The following EYS variants were observed in gnomAD, a reference collection of about 807,000 sequenced individuals.
EYS encodes the protein protein eyes shut homolog.
EYS carries 250 observed loss-of-function variants against 282.1 expected under a neutral mutation model. The ratio of observed to expected loss-of-function variants is 0.89; its 90% confidence interval spans 0.80 to 0.98. The LOEUF is 0.98. Ranked by LOEUF, EYS falls within the 50% of genes least tolerant of loss-of-function variation. The probability of loss-of-function intolerance (pLI) is 0.00; values close to 1 mark genes in which losing one functional copy is unlikely to be tolerated. For synonymous variants in EYS, 1,355 were observed against 1,282.9 expected (o/e 1.06, Z -1.20); for missense variants, 4,016 against 3,709.0 (o/e 1.08, Z -2.15).
intron 33 of EYS, among the ~76,000 whole-genome samples, chr6:64,041,344 A>G (rs556279240): frequency 2.2e-4 from 33 of 152,324 alleles, no homozygotes; most frequent in African/African-American, 7.7e-4. Flanking sequence ...GAATCATGGT[A>G]CATACAAATT....
At chr6:64,423,845 C>T (rs1318498808) in intron 28 of EYS, among the ~76,000 whole-genome samples, 4 of 152,104 alleles carry the variant, frequency 2.6e-5, no homozygotes, top group Admixed American at 2.6e-4. Context: ...CCAATGAGAT[C>T]ACCAATGGCA....
At chr6:65,078,619 T>C (rs1224228898) in intron 12 of EYS, among the ~76,000 whole-genome samples, 4 of 152,048 alleles carry the variant, frequency 2.6e-5, no homozygotes, top group Non-Finnish European at 5.9e-5. Flanking sequence ...TTGGCTACAA[T>C]AATGCATGCA....
chr6:64,152,543 T>G (rs1774778805), intron 31 of EYS, among the ~76,000 whole-genome samples: 1 of 152,172 alleles, frequency 6.6e-6, no homozygotes, highest in African/African-American at 2.4e-5. Flanking sequence ...GGCTTCACAG[T>G]CAATTACAAG....
intron 35 of EYS, among the ~76,000 whole-genome samples, chr6:63,899,371 G>T (rs1348417558): frequency 6.6e-6 from 1 of 152,040 alleles, no homozygotes; most frequent in African/African-American, 2.4e-5. Context: ...GGCAGGCAGG[G>T]CACCAAATGT....
intron 30 of EYS, among the ~76,000 whole-genome samples, chr6:64,261,064 C>T (rs961568551): frequency 1.3e-5 from 2 of 151,806 alleles, no homozygotes; most frequent in Non-Finnish European, 2.9e-5. Context: ...TTTTAAAATA[C>T]ACAATAAATT....
At chr6:65,606,884 AT>A (rs5876976) in intron 2 of EYS, among the ~76,000 whole-genome samples, 96,286 of 149,778 alleles carry the variant, frequency 0.64, 33,201 homozygotes, top group African/African-American at 0.91. Flanking sequence ...CTTCCAAAGT[AT>A]TTTTTTTTTG....
chr6:65,132,036 A>T (rs919260595), intron 12 of EYS, among the ~76,000 whole-genome samples: 1 of 152,036 alleles, frequency 6.6e-6, no homozygotes, highest in African/African-American at 2.4e-5. Context: ...TGATTCCCTG[A>T]ACAGACCAAT....
At chr6:65,620,779 C>T (rs1766447791) in intron 2 of EYS, among the ~76,000 whole-genome samples, 1 of 151,912 alleles carries the variant, frequency 6.6e-6, no homozygotes, top group Non-Finnish European at 1.5e-5. Context: ...TTTCAAAGAA[C>T]ATCTTTATTT....
rs368159852 is a variant in EYS, at chr6:65,490,708, C to T, written c.749-1G>A. The T allele has an allele frequency of 4.0e-5, 64 of 1,605,036 alleles. No individual in the cohort carries two copies. The highest frequency in any genetic ancestry group is 5.3e-5 in the Non-Finnish European group (62 of 1,172,586). ...CCAATTATTTCTGAGCAATTCTTTC[C>T]TATAACAATGAAAAAAAGTTTTTTT... On this transcript the variant is annotated splice_acceptor_variant, in intron 4 of 42. Transcript: ENST00000503581. LOFTEE classifies it high-confidence loss of function.
chr6:65,394,662 C>G (rs1347454321), intron 7 of EYS, among the ~76,000 whole-genome samples: 1 of 152,102 alleles, frequency 6.6e-6, no homozygotes, highest in Non-Finnish European at 1.5e-5. Context: ...AAATTAATCC[C>G]TTTTTACCAT....
intron 26 of EYS, among the ~76,000 whole-genome samples, chr6:64,464,991 C>A (rs941772087): frequency 6.6e-6 from 1 of 151,172 alleles, no homozygotes; most frequent in African/African-American, 2.4e-5. Flanking sequence ...ATTCTTGTTA[C>A]AAAATAAATA....
At chr6:65,101,760 T>G (rs926303907) in intron 12 of EYS, among the ~76,000 whole-genome samples, 2 of 151,160 alleles carry the variant, frequency 1.3e-5, no homozygotes, top group African/African-American at 4.8e-5. Flanking sequence ...ATGACCTTAT[T>G]TTTTTGCTAT....
At chr6:65,595,321 T>G (rs1765369466) in intron 2 of EYS, among the ~76,000 whole-genome samples, 2 of 151,924 alleles carry the variant, frequency 1.3e-5, no homozygotes, top group African/African-American at 4.8e-5. Context: ...TCCTGTTGTG[T>G]GGTAGGTGGA....
intron 12 of EYS, among the ~76,000 whole-genome samples, chr6:65,076,979 C>A (rs1774073378): frequency 6.6e-6 from 1 of 151,984 alleles, no homozygotes; most frequent in East Asian, 1.9e-4. Context: ...AAAACAGGGG[C>A]CTTAGAAGGA....
chr6:64,405,396 G>A (rs948444993), intron 28 of EYS, among the ~76,000 whole-genome samples: 8 of 152,102 alleles, frequency 5.3e-5, no homozygotes, highest in Non-Finnish European at 7.3e-5. Flanking sequence ...AAAACTGGAA[G>A]TATTCCCTTT....
intron 13 of EYS, among the ~76,000 whole-genome samples, chr6:65,039,797 A>G (rs528643043): frequency 6.6e-6 from 1 of 151,794 alleles, no homozygotes; most frequent in South Asian, 2.1e-4. Context: ...TTAGTAAAAA[A>G]GGGTGTATTT....
chr6:65,015,406 T>G lies in EYS; in HGVS notation c.2138-17703A>C, dbSNP rs186496953. Among the ~76,000 whole-genome samples the G allele has an allele frequency of 1.1e-4, 17 of 152,300 alleles. No individual in the cohort carries two copies. In the East Asian group the frequency reaches 3.1e-3, roughly 28 times the overall value. On this transcript the variant is annotated intron_variant, in intron 13 of 42. Transcript: ENST00000503581. ...AACATCTCCATAGGCTGGGACAAGA[T>G]CCTACAAGTCTTTGTGATCTATAGA...
intron 12 of EYS, among the ~76,000 whole-genome samples, chr6:65,237,546 G>C (rs1007161645): frequency 1.3e-5 from 2 of 152,056 alleles, no homozygotes; most frequent in Non-Finnish European, 2.9e-5. Flanking sequence ...ACTCCAGCCT[G>C]GGTGACAGAG....
chr6:64,353,478 G>C (rs1026161970), intron 29 of EYS, among the ~76,000 whole-genome samples: 1 of 151,552 alleles, frequency 6.6e-6, no homozygotes. Flanking sequence ...CCATTACTTG[G>C]TTGAAGCAGA....
Sources: gnomAD v4.1 joint callset for allele counts (sites outside exome capture counted in the v4.1 genomes callset) on GRCh38, gnomAD v4.1.1 for gene constraint, MANE v1.5 for transcripts, NCBI Gene and HGNC (gene_info 2026-07-23, HGNC 2026-07-21) for gene names.